Variants in PXDNL observed in about 807,000 individuals in gnomAD.
PXDNL encodes peroxidasin like, also known as probable oxidoreductase PXDNL.
A neutral mutation model predicts 150.8 loss-of-function variants in PXDNL; 145 were observed. That is an observed-to-expected ratio of 0.96 (90% CI 0.84 to 1.10). The LOEUF (loss-of-function observed/expected upper bound fraction) is 1.10. PXDNL is among the 50% of genes least tolerant of loss of function. The pLI is 0.00. For missense variants in PXDNL, 2,087 were observed against 1,873.9 expected (o/e 1.11, Z -2.10); for synonymous variants, 757 against 725.7 (o/e 1.04, Z -0.69).
intron 4 of PXDNL, among the ~76,000 whole-genome samples, chr8:51,504,621 A>G (rs1811249025): frequency 6.6e-6 from 1 of 152,240 alleles, no homozygotes; most frequent in African/African-American, 2.4e-5. Flanking sequence ...TTGAGTGATT[A>G]TGTAATCCAT....
intron 4 of PXDNL, among the ~76,000 whole-genome samples, chr8:51,540,340 A>G (rs1338896872): frequency 6.6e-6 from 1 of 152,100 alleles, no homozygotes; most frequent in Non-Finnish European, 1.5e-5. Flanking sequence ...GGTCTTTATT[A>G]ATTCCAAATA....
chr8:51,452,961 C>G (rs1035179697), intron 10 of PXDNL, among the ~76,000 whole-genome samples: 1 of 104,434 alleles, frequency 9.6e-6, no homozygotes, highest in Non-Finnish European at 2.1e-5. Context: ...CACACATGCA[C>G]GCACACACAC....
intron 17 of PXDNL, among the ~76,000 whole-genome samples, chr8:51,385,260 G>A (rs1200761606): frequency 6.6e-6 from 1 of 151,408 alleles, no homozygotes; most frequent in Admixed American, 6.6e-5. Flanking sequence ...TAAACATCAA[G>A]TGTTAAAGAC....
At chr8:51,770,437 G>A (rs997464661) in intron 1 of PXDNL, among the ~76,000 whole-genome samples, 2 of 152,190 alleles carry the variant, frequency 1.3e-5, no homozygotes, top group African/African-American at 4.8e-5. Flanking sequence ...CTCAGCATGG[G>A]GACGGAGGTG....
At chr8:51,523,139 G>A (rs1203744262) in intron 4 of PXDNL, among the ~76,000 whole-genome samples, 4 of 152,088 alleles carry the variant, frequency 2.6e-5, no homozygotes, top group African/African-American at 7.2e-5. Flanking sequence ...AAAACAGAGC[G>A]TAAGAGGAGC....
chr8:51,690,594 A>G (rs1253744994), intron 1 of PXDNL, among the ~76,000 whole-genome samples: 1 of 152,124 alleles, frequency 6.6e-6, no homozygotes, highest in Non-Finnish European at 1.5e-5. Flanking sequence ...GTTGGTTCCA[A>G]GTCTTTGCTA....
At chr8:51,525,893 G>C (rs1284902075) in intron 4 of PXDNL, among the ~76,000 whole-genome samples, 2 of 152,190 alleles carry the variant, frequency 1.3e-5, no homozygotes, top group Non-Finnish European at 2.9e-5. Flanking sequence ...AACACTGGTT[G>C]AACGGAGTTG....
intron 8 of PXDNL, among the ~76,000 whole-genome samples, chr8:51,460,347 ATAT>A (rs2130017774): frequency 6.7e-6 from 1 of 149,838 alleles, no homozygotes; most frequent in East Asian, 2.0e-4. Context: ...ACTGTCAATC[ATAT>A]TTACCATGTT....
chr8:51,536,135 G>A (rs527700317), intron 4 of PXDNL, among the ~76,000 whole-genome samples: 1 of 152,276 alleles, frequency 6.6e-6, no homozygotes, highest in Non-Finnish European at 1.5e-5. Flanking sequence ...AAATTTTCCT[G>A]GATATTTGAG....
chr8:51,522,839 A>G (rs1811690390), intron 4 of PXDNL, among the ~76,000 whole-genome samples: 1 of 152,028 alleles, frequency 6.6e-6, no homozygotes, highest in Admixed American at 6.6e-5. Flanking sequence ...AGTGAAATCC[A>G]TCTCAAAACA....
chr8:51,492,936 G>C (rs1445013229), intron 5 of PXDNL, among the ~76,000 whole-genome samples: 2 of 152,136 alleles, frequency 1.3e-5, no homozygotes, highest in African/African-American at 4.8e-5. Context: ...AGAGAGTAGT[G>C]GTTCTCCCAG....
At chr8:51,698,831 T>C (rs988351733) in intron 1 of PXDNL, among the ~76,000 whole-genome samples, 1 of 152,232 alleles carries the variant, frequency 6.6e-6, no homozygotes, top group Non-Finnish European at 1.5e-5. Flanking sequence ...AAGCAAATAT[T>C]GTATTAGCAA....
chr8:51,711,641 T>C (rs1426674150), intron 1 of PXDNL, among the ~76,000 whole-genome samples: 1 of 152,230 alleles, frequency 6.6e-6, no homozygotes, highest in Non-Finnish European at 1.5e-5. Context: ...TATTCTCCAA[T>C]TACTTTTGTC....
At chr8:51,440,589 CAT>C (rs1809519586) in intron 12 of PXDNL, among the ~76,000 whole-genome samples, 1 of 152,316 alleles carries the variant, frequency 6.6e-6, no homozygotes, top group African/African-American at 2.4e-5. Flanking sequence ...GCTCACAACA[CAT>C]GTTACCCTTA....
At chr8:51,397,799 C>T (rs1031161841) in intron 17 of PXDNL, among the ~76,000 whole-genome samples, 45 of 151,972 alleles carry the variant, frequency 3.0e-4, no homozygotes, top group African/African-American at 1.0e-3. Context: ...TACATGTGCA[C>T]AACGTGCATG....
At chr8:51,486,792 ATATTTTTTTTTTTTTTTT>A (rs1326211828) in intron 5 of PXDNL, among the ~76,000 whole-genome samples, 2 of 23,524 alleles carry the variant, frequency 8.5e-5, no homozygotes, top group African/African-American at 3.9e-4. Flanking sequence ...ATATATATAT[ATATTTTTTTTTTTTTTTT>A]TTTTTTTTTT....
chr8:51,721,682 C>T (rs1367532235), intron 1 of PXDNL: 4 of 467,064 alleles, frequency 8.6e-6, no homozygotes, highest in African/African-American at 2.0e-5. Context: ...CACTTTGCCT[C>T]ATTCTTGGAA....
chr8:51,448,889 AT>A (rs1042121282), intron 11 of PXDNL, 112 bp downstream of exon 11: 1 of 710,790 alleles, frequency 1.4e-6, no homozygotes, highest in East Asian at 2.7e-5. Context: ...TTTCTGTGTA[AT>A]TTTTTCATGT....
chr8:51,395,932 C>G (rs1462593120), intron 17 of PXDNL, among the ~76,000 whole-genome samples: 6 of 152,234 alleles, frequency 3.9e-5, no homozygotes, highest in Non-Finnish European at 7.3e-5. Context: ...TGTCACAGGA[C>G]AATCCCACAG....
Sources: gnomAD v4.1 joint callset for allele counts (sites outside exome capture counted in the v4.1 genomes callset) on GRCh38, gnomAD v4.1.1 for gene constraint, MANE v1.5 for transcripts, NCBI Gene and HGNC (gene_info 2026-07-23, HGNC 2026-07-21) for gene names.